GABRG2: variants seen among roughly 807,000 people sequenced by gnomAD.
GABRG2 encodes gamma-aminobutyric acid type A receptor subunit gamma2.
A neutral mutation model predicts 56.4 loss-of-function variants in GABRG2; 16 were observed. The observed-to-expected ratio is 0.28, with a 90% CI of 0.19 to 0.43. The LOEUF is 0.43. GABRG2 is among the 20% of genes least tolerant of loss of function. The pLI, the probability that GABRG2 is intolerant of heterozygous loss-of-function variation, is 1.00. For missense variants in GABRG2, 327 were observed against 582.7 expected (o/e 0.56, Z 4.52); for synonymous variants, 208 against 205.5 (o/e 1.01, Z -0.10).
chr5:162,135,614 A>G lies in GABRG2; in HGVS notation c.770-6550A>G, dbSNP rs530246655. Among the ~76,000 whole-genome samples, 11 of 152,332 alleles carry G rather than the reference A, an allele frequency of 7.2e-5. No homozygotes were observed. The South Asian group carries it at 2.1e-3, about 29-fold the overall frequency. On this transcript the variant is annotated intron_variant, in intron 6 of 9. Transcript: ENST00000639213. ...CATCATATATTTTTATTGTGATCTT[A>G]CTGAGCTCTTACTATGATGTCTTAC...
rs368533503 is a variant in GABRG2, at chr5:162,107,675, T to C, written c.769+3649T>C. Among the ~76,000 whole-genome samples the C allele has an allele frequency of 2.2e-3, 342 of 152,312 alleles. 1 individual carries two copies. Among genetic ancestry groups the C allele is most frequent in the African/African-American group, 7.8e-3 (324 of 41,574 alleles). ...TTCATTGTCAATATGCTAGAACAGA[T>C]TCTGGATCCATGATTTCTTCTTCAA... On this transcript the variant is annotated intron_variant, in intron 6 of 9. Coordinates refer to ENST00000639213, the MANE Select transcript of GABRG2 (RefSeq NM_198904.4).
At chr5:162,127,722 G>A (rs527853171) in intron 6 of GABRG2, among the ~76,000 whole-genome samples, 46 of 151,868 alleles carry the variant, frequency 3.0e-4, no homozygotes, top group Non-Finnish European at 6.3e-4. Context: ...GCCCAAGAAA[G>A]GTAATCATTA....
In GABRG2 at chr5:162,068,123, T is replaced by G; in HGVS notation, c.107+17T>G. On this transcript the variant is annotated intron_variant, in intron 1 of 9. Transcript: ENST00000639213. Reference sequence around the variant, plus strand: ...CTACCCTGGGTAAGATGTGCCCTTTTTGGCGTCGTTTTGTTCTGAAGAGGT... The same window carrying G: ...CTACCCTGGGTAAGATGTGCCCTTTGTGGCGTCGTTTTGTTCTGAAGAGGT... 1 of 1,591,194 alleles carries G rather than the reference T, an allele frequency of 6.3e-7. No individual in the cohort carries two copies. The highest frequency in any genetic ancestry group is 8.6e-7 in the Non-Finnish European group (1 of 1,159,740).
At chr5:162,133,699 G>C (rs758278881) in intron 6 of GABRG2, among the ~76,000 whole-genome samples, 2 of 152,056 alleles carry the variant, frequency 1.3e-5, no homozygotes, top group Non-Finnish European at 2.9e-5. Flanking sequence ...ATTGGGCTAG[G>C]CATCTGTGGT....
intron 1 of GABRG2, among the ~76,000 whole-genome samples, chr5:162,073,198 A>G (rs1421019203): frequency 6.6e-6 from 1 of 151,902 alleles, no homozygotes; most frequent in Non-Finnish European, 1.5e-5. Context: ...TAACATCACT[A>G]TTACATTATG....
chr5:162,131,098 T>C (rs1009021394), intron 6 of GABRG2, among the ~76,000 whole-genome samples: 9 of 151,980 alleles, frequency 5.9e-5, no homozygotes, highest in African/African-American at 2.2e-4. Flanking sequence ...TTTCCAATAC[T>C]TCTAAAAGGG....
intron 1 of GABRG2, among the ~76,000 whole-genome samples, chr5:162,091,550 A>G (rs532908440): frequency 8.5e-5 from 13 of 152,190 alleles, no homozygotes; most frequent in Admixed American, 7.2e-4. Flanking sequence ...ACAAATCCAG[A>G]AAGCAGAACT....
intron 1 of GABRG2, among the ~76,000 whole-genome samples, chr5:162,073,970 C>G (rs1758880742): frequency 6.6e-6 from 1 of 151,854 alleles, no homozygotes; most frequent in African/African-American, 2.4e-5. Context: ...CATCACATTG[C>G]ACAAGTATAG....
chr5:162,110,470 A>G (rs1762174122), intron 6 of GABRG2, among the ~76,000 whole-genome samples: 1 of 152,142 alleles, frequency 6.6e-6, no homozygotes, highest in Admixed American at 6.6e-5. Flanking sequence ...ATAGAGAACA[A>G]TAGCTTCCAC....
chr5:162,143,262 G>T (rs116176336), intron 7 of GABRG2, among the ~76,000 whole-genome samples: 1 of 152,098 alleles, frequency 6.6e-6, no homozygotes, highest in Non-Finnish European at 1.5e-5. Flanking sequence ...TATTCCCCAC[G>T]AGTAATTATT....
At chr5:162,134,438 GCCAGGAATTGTA>G (rs1763973314) in intron 6 of GABRG2, among the ~76,000 whole-genome samples, 1 of 152,100 alleles carries the variant, frequency 6.6e-6, no homozygotes, top group South Asian at 2.1e-4. Flanking sequence ...CATCCTATGT[GCCAGGAATTGTA>G]CCAAGAATGG....
At chr5:162,074,194 C>T (rs979775731) in intron 1 of GABRG2, among the ~76,000 whole-genome samples, 3 of 151,890 alleles carry the variant, frequency 2.0e-5, no homozygotes, top group African/African-American at 7.2e-5. Flanking sequence ...AACTCTAAAT[C>T]ATATTAATCC....
intron 1 of GABRG2, among the ~76,000 whole-genome samples, chr5:162,091,046 G>A (rs1760535812): frequency 6.6e-6 from 1 of 152,098 alleles, no homozygotes; most frequent in Non-Finnish European, 1.5e-5. Flanking sequence ...AACAGTCCCA[G>A]GTTATGCATC....
chr5:162,117,905 A>G (rs1762727525), intron 6 of GABRG2, among the ~76,000 whole-genome samples: 1 of 152,150 alleles, frequency 6.6e-6, no homozygotes, highest in African/African-American at 2.4e-5. Flanking sequence ...GATGACGCAG[A>G]TGCTAAAGCC....
At chr5:162,128,082 T>C (rs1763469289) in intron 6 of GABRG2, among the ~76,000 whole-genome samples, 1 of 152,052 alleles carries the variant, frequency 6.6e-6, no homozygotes, top group Non-Finnish European at 1.5e-5. Flanking sequence ...GTATTTATCA[T>C]GCTTTTATTT....
intron 6 of GABRG2, among the ~76,000 whole-genome samples, chr5:162,112,485 ATTGAAGATTACTT>A (rs1434413331): frequency 6.6e-6 from 1 of 152,158 alleles, no homozygotes; most frequent in Non-Finnish European, 1.5e-5. Context: ...ACATAAACTA[ATTGAAGATTACTT>A]TTACCCTATT....
At chr5:162,087,559 T>C (rs1200024520) in intron 1 of GABRG2, among the ~76,000 whole-genome samples, 1 of 152,088 alleles carries the variant, frequency 6.6e-6, no homozygotes, top group Non-Finnish European at 1.5e-5. Flanking sequence ...GGAAAAGTTG[T>C]TGCCAGAATC....
chr5:162,146,547 T>C (rs1291158207), intron 7 of GABRG2, among the ~76,000 whole-genome samples: 1 of 152,098 alleles, frequency 6.6e-6, no homozygotes, highest in Non-Finnish European at 1.5e-5. Flanking sequence ...TTCTCAAACA[T>C]AGATTGAGCA....
intron 1 of GABRG2, among the ~76,000 whole-genome samples, chr5:162,073,361 A>G (rs1758828384): frequency 6.6e-6 from 1 of 151,882 alleles, no homozygotes; most frequent in Non-Finnish European, 1.5e-5. Flanking sequence ...GTTTGTGTCT[A>G]TGTAAGTAAA....
Sources: allele counts gnomAD v4.1 joint callset (sites outside exome capture counted in the v4.1 genomes callset), GRCh38; gene constraint gnomAD v4.1.1; transcripts MANE v1.5; gene names NCBI Gene and HGNC (gene_info 2026-07-23, HGNC 2026-07-21).